The following TTC39C variants were observed in gnomAD, a reference collection of about 807,000 sequenced individuals.
TTC39C encodes the protein tetratricopeptide repeat domain 39C, also known as tetratricopeptide repeat protein 39C.
TTC39C carries 33 observed loss-of-function variants against 76.3 expected under a neutral mutation model. The ratio of observed to expected loss-of-function variants is 0.43; its 90% CI spans 0.33 to 0.58. The LOEUF (loss-of-function observed/expected upper bound fraction) is 0.58, where lower values mean the gene tolerates loss of function less well. Ranked by LOEUF, TTC39C falls within the 20% of genes least tolerant of loss-of-function variation. The pLI is 0.04. For synonymous variants in TTC39C, 254 were observed against 260.6 expected (o/e 0.97, Z 0.24); for missense variants, 595 against 701.4 (o/e 0.85, Z 1.71).
chr18:24,092,395 A>G (rs1382321140), intron 6 of TTC39C, among the ~76,000 whole-genome samples: 7 of 152,138 alleles, frequency 4.6e-5, no homozygotes, highest in African/African-American at 1.4e-4. Flanking sequence ...TGAAACAGCA[A>G]TTTCACTCCT....
At chr18:24,079,507 G>C (rs1236215487) in intron 4 of TTC39C, among the ~76,000 whole-genome samples, 2 of 152,150 alleles carry the variant, frequency 1.3e-5, no homozygotes, top group Non-Finnish European at 2.9e-5. Context: ...TAAGAGATTT[G>C]TACCTTCTGC....
upstream of TTC39C, among the ~76,000 whole-genome samples, chr18:24,010,277 C>A (rs974355204): frequency 6.6e-6 from 1 of 152,174 alleles, no homozygotes; most frequent in African/African-American, 2.4e-5. Flanking sequence ...TATTTGGCTA[C>A]GGTTTGAACA....
intron 11 of TTC39C, among the ~76,000 whole-genome samples, chr18:24,129,978 G>A (rs1307967593): frequency 6.6e-6 from 1 of 152,092 alleles, no homozygotes; most frequent in Non-Finnish European, 1.5e-5. Flanking sequence ...GTTACCTTGT[G>A]TGTTTTCTGT....
At chr18:24,112,941 C>G (rs182101277) in intron 6 of TTC39C, among the ~76,000 whole-genome samples, 61 of 152,208 alleles carry the variant, frequency 4.0e-4, no homozygotes, top group African/African-American at 1.4e-3. Flanking sequence ...CACATTCCTG[C>G]GCCATAAAGG....
At chr18:24,118,463 C>T (rs548847042) in intron 8 of TTC39C, among the ~76,000 whole-genome samples, 59 of 152,256 alleles carry the variant, frequency 3.9e-4, no homozygotes, top group African/African-American at 1.2e-3. Context: ...CTTCACCACA[C>T]GCTTCCCCTC....
intron 6 of TTC39C, among the ~76,000 whole-genome samples, chr18:24,091,384 G>A (rs1271590889): frequency 6.6e-6 from 1 of 152,216 alleles, no homozygotes; most frequent in Non-Finnish European, 1.5e-5. Flanking sequence ...GGAGGTTGCA[G>A]TAATCAGAGA....
At chr18:24,041,181 C>A (rs2083788021) in intron 1 of TTC39C, among the ~76,000 whole-genome samples, 1 of 152,178 alleles carries the variant, frequency 6.6e-6, no homozygotes, top group Admixed American at 6.5e-5. Context: ...TTAAAATTAT[C>A]GTTGCTTCAA....
In TTC39C at chr18:24,133,380, T is replaced by C. The variant is rs890997460; in HGVS notation, c.*806T>C. 1 of 152,242 alleles carries C rather than the reference T, an allele frequency of 6.6e-6. No individual in the cohort carries two copies. The highest frequency in any genetic ancestry group is 1.5e-5 in the Non-Finnish European group (1 of 68,042). The allele number at this position is 152,242 out of a possible 1,614,324, so 9.4% of individuals were successfully genotyped here. A position where few individuals can be genotyped will look rare whatever the true frequency, so the allele number is the denominator to read the frequency against. On this transcript the variant is annotated 3_prime_UTR_variant, in exon 14 of 14. Coordinates refer to ENST00000317571, the MANE Select transcript of TTC39C (RefSeq NM_001135993.2). Reference sequence around the variant, plus strand: ...CCAACCAAGTAAGAGCAAATATTAATAGAAGATAATTTTACAACTAAAAGT... The same window carrying C: ...CCAACCAAGTAAGAGCAAATATTAACAGAAGATAATTTTACAACTAAAAGT...
intron 10 of TTC39C, among the ~76,000 whole-genome samples, chr18:24,126,046 G>A (rs989309795): frequency 2.0e-5 from 3 of 152,198 alleles, no homozygotes; most frequent in Middle Eastern, 6.8e-3. Context: ...AATTATCTGG[G>A]CGGGGTGGTG....
At chr18:24,035,811 G>T (rs1371097168) in intron 1 of TTC39C, among the ~76,000 whole-genome samples, 1 of 152,198 alleles carries the variant, frequency 6.6e-6, no homozygotes, top group South Asian at 2.1e-4. Flanking sequence ...TGTATTTTCT[G>T]TTTTTGTGTG....
intron 12 of TTC39C, among the ~76,000 whole-genome samples, chr18:24,130,619 A>T (rs541509059): frequency 6.6e-6 from 1 of 152,122 alleles, no homozygotes; most frequent in Non-Finnish European, 1.5e-5. Context: ...TTTCTTCCCT[A>T]GCATTCAAAT....
At chr18:24,071,592 T>C (rs17203073) in intron 4 of TTC39C, among the ~76,000 whole-genome samples, 20,602 of 152,212 alleles carry the variant, frequency 0.14, 1,775 homozygotes, top group Admixed American at 0.22. Context: ...AATTATACTT[T>C]GGGTATTTTC....
chr18:24,081,066 G>A, intron 5 of TTC39C, 127 bp downstream of exon 5: 1 of 802,546 alleles, frequency 1.2e-6, no homozygotes. Flanking sequence ...TGTGTCTTAT[G>A]TCTTTCAATG....
intron 4 of TTC39C, among the ~76,000 whole-genome samples, chr18:24,069,864 G>T (rs1345011461): frequency 2.0e-5 from 3 of 152,194 alleles, no homozygotes; most frequent in African/African-American, 2.4e-5. Context: ...TCCTATGACT[G>T]AGTCTAAAAT....
chr18:24,097,758 C>G (rs909215409), intron 6 of TTC39C, among the ~76,000 whole-genome samples: 2 of 152,156 alleles, frequency 1.3e-5, no homozygotes, highest in South Asian at 4.1e-4. Context: ...TGTAAAGTGT[C>G]AGTGATTTCA....
chr18:24,126,627 T>C (rs1350380683), intron 10 of TTC39C, among the ~76,000 whole-genome samples: 4 of 151,750 alleles, frequency 2.6e-5, no homozygotes, highest in Admixed American at 2.6e-4. Flanking sequence ...TGTTAAATTC[T>C]GCTATGTTCT....
At position 24,066,046 on chromosome 18, in the gene TTC39C, A is replaced by G. The variant is rs201044353; in HGVS notation, c.251A>G (p.Gln84Arg). ...AMMTFEEEKM[Q>R]LACDDLKTTE... ...ATGACATTTGAGGAAGAAAAAATGC[A>G]GTTGGCATGTGATGACTTAAAAACC... Residue 84 changes from glutamine (Q) to arginine (R), a missense_variant, in exon 3 of 14, where the codon CAG becomes CGG. By Grantham distance (43) the Gln-to-Arg change is conservative. Coordinates refer to ENST00000317571, the MANE Select transcript of TTC39C (RefSeq NM_001135993.2). 6.9e-6 allele frequency: 11 copies of G among 1,600,204 alleles called. No individual in the cohort carries two copies. The African/African-American group carries it at 1.5e-4, about 22-fold the overall frequency.
At chr18:24,067,872 G>A (rs1385536358) in intron 3 of TTC39C, among the ~76,000 whole-genome samples, 2 of 152,122 alleles carry the variant, frequency 1.3e-5, no homozygotes, top group East Asian at 3.9e-4. Context: ...GGCTGACTTG[G>A]CGTTTACGTT....
chr18:24,030,051 C>G (rs1311236464), intron 1 of TTC39C, among the ~76,000 whole-genome samples: 2 of 152,144 alleles, frequency 1.3e-5, no homozygotes, highest in Non-Finnish European at 2.9e-5. Flanking sequence ...AATGGTAGAT[C>G]TACTTTTAGT....
Sources: allele counts gnomAD v4.1 joint callset (sites outside exome capture counted in the v4.1 genomes callset), GRCh38; gene constraint gnomAD v4.1.1; transcripts MANE v1.5; gene names NCBI Gene and HGNC (gene_info 2026-07-23, HGNC 2026-07-21).